SCN9A: variants seen among roughly 807,000 people sequenced by gnomAD.
SCN9A encodes sodium channel protein type 9 subunit alpha.
Under a neutral mutation model 187.0 loss-of-function variants are expected in SCN9A, and 131 were observed. The ratio of observed to expected loss-of-function variants is 0.70; its 90% CI spans 0.61 to 0.81. The LOEUF (loss-of-function observed/expected upper bound fraction) is 0.81, where lower values mean the gene tolerates loss of function less well. Ranked by LOEUF, SCN9A falls within the 30% of genes least tolerant of loss-of-function variation. The pLI, the probability that SCN9A is intolerant of heterozygous loss-of-function variation, is 0.00. For synonymous variants in SCN9A, 809 were observed against 808.6 expected, an observed-to-expected ratio of 1.00 and a Z score of -0.01; for missense variants, 2,252 against 2,396.6, an observed-to-expected ratio of 0.94 and a Z score of 1.26.
chr2:166,298,001 C>T (rs1380284424), intron 7 of SCN9A, among the ~76,000 whole-genome samples: 1 of 152,072 alleles, frequency 6.6e-6, no homozygotes, highest in African/African-American at 2.4e-5. Context: ...TCTGCCCTTG[C>T]TCAGAAAGAC....
chr2:166,341,601 A>C (rs1245505850), intron 1 of SCN9A, among the ~76,000 whole-genome samples: 1 of 152,240 alleles, frequency 6.6e-6, no homozygotes, highest in Non-Finnish European at 1.5e-5. Flanking sequence ...AGACACTGCT[A>C]AGAGTTACTG....
chr2:166,201,429 T>C (rs1239730623), intron 26 of SCN9A, among the ~76,000 whole-genome samples: 1 of 126,350 alleles, frequency 7.9e-6, no homozygotes, highest in African/African-American at 2.7e-5. Flanking sequence ...ATGCATATAC[T>C]ATATATAGTA....
In SCN9A at chr2:166,281,732, T is replaced by C. The variant is rs1697498086; in HGVS notation, c.2051A>G (p.Asn684Ser). 1.9e-6 allele frequency: 3 copies of C among 1,613,426 alleles called. No homozygotes were observed. The highest frequency in any genetic ancestry group is 1.1e-5 in the South Asian group (1 of 91,068). Reference protein sequence around the residue: ...LLSEDMLNDPNLRQRAMSRAS... With the variant: ...LLSEDMLNDPSLRQRAMSRAS... ...TCTACTCATTGCTCTCTGTCTGAGG[T>C]TGGGATCATTCAGCATATCCTCTGA... The change falls in exon 13 of 27, where the codon AAC (asparagine) becomes AGC (serine). Residue 684 changes from asparagine (N) to serine (S), a missense_variant. Coordinates refer to ENST00000642356, the MANE Select transcript of SCN9A (RefSeq NM_001365536.1).
intron 21 of SCN9A, among the ~76,000 whole-genome samples, chr2:166,230,106 C>G (rs879819558): frequency 1.1e-4 from 17 of 152,090 alleles, no homozygotes; most frequent in Non-Finnish European, 2.4e-4. Flanking sequence ...TGGGTTATAT[C>G]TCCGTTGCAA....
rs202173085 is a variant in SCN9A at position 166,256,037 on chromosome 2, CAT to C, written c.3352-4154_3352-4153del. 7.3e-3 allele frequency among the ~76,000 whole-genome samples: 1,108 copies of C among 151,496 alleles called. 12 individuals are homozygous for C. The highest frequency in any genetic ancestry group is 0.052 in the South Asian group (251 of 4,806). ...AGGATCCTTTGAGAAGAAATCCACACATAGTTACTATGTGGCATAAGAGTCCA... is the reference window on the plus strand; with the variant it reads ...AGGATCCTTTGAGAAGAAATCCACACAGTTACTATGTGGCATAAGAGTCCA... On this transcript the variant is annotated intron_variant, in intron 17 of 26. Transcript: ENST00000642356.
chr2:166,274,360 G>C (rs895103658), intron 16 of SCN9A, among the ~76,000 whole-genome samples: 3 of 152,042 alleles, frequency 2.0e-5, no homozygotes, highest in African/African-American at 7.2e-5. Flanking sequence ...TTGATTCAAA[G>C]TCTCATTTTG....
At chr2:166,360,751 A>G (rs1439253589) in intron 1 of SCN9A, among the ~76,000 whole-genome samples, 2 of 152,214 alleles carry the variant, frequency 1.3e-5, no homozygotes, top group East Asian at 1.9e-4. Context: ...TAAAGTGCCT[A>G]CCACAGTGCC....
At chr2:166,359,934 A>G (rs1434964974) in intron 1 of SCN9A, among the ~76,000 whole-genome samples, 3 of 151,710 alleles carry the variant, frequency 2.0e-5, no homozygotes, top group Non-Finnish European at 4.4e-5. Flanking sequence ...ATAAGAAATG[A>G]AAGTTTGCCG....
At chr2:166,235,904 T>A (rs1468940205) in intron 20 of SCN9A, among the ~76,000 whole-genome samples, 2 of 152,140 alleles carry the variant, frequency 1.3e-5, no homozygotes, top group Non-Finnish European at 2.9e-5. Context: ...CTTTAAATTT[T>A]CAAATAAAAC....
intron 14 of SCN9A, among the ~76,000 whole-genome samples, chr2:166,279,413 G>C (rs1170208680): frequency 6.6e-6 from 1 of 152,146 alleles, no homozygotes; most frequent in Admixed American, 6.6e-5. Context: ...CATAAGCTGA[G>C]ATTCTCTGGC....
intron 22 of SCN9A, among the ~76,000 whole-genome samples, chr2:166,228,247 C>CTTTTTTTTTTTT (rs33924683): frequency 2.3e-5 from 2 of 85,972 alleles, no homozygotes; most frequent in African/African-American, 9.2e-5. Context: ...AAGACCAACA[C>CTTTTTTTTTTTT]TTTTTTTTTT....
chr2:166,251,214 G>A (rs976392710), intron 18 of SCN9A, among the ~76,000 whole-genome samples: 1 of 151,978 alleles, frequency 6.6e-6, no homozygotes, highest in Non-Finnish European at 1.5e-5. Context: ...GATAACTGAA[G>A]ATTGAACATG....
At chr2:166,203,759 C>T (rs547640882) in intron 26 of SCN9A, among the ~76,000 whole-genome samples, 196 bp downstream of exon 26, 1 of 151,790 alleles carries the variant, frequency 6.6e-6, no homozygotes, top group South Asian at 2.1e-4. Flanking sequence ...GGCTTTGGGG[C>T]CTGTAGTGTA....
rs546798028 is a variant in SCN9A, at chr2:166,222,868, T to G, written c.4398+3699A>C. Among the ~76,000 whole-genome samples the G allele has an allele frequency of 6.1e-5, 8 of 130,238 alleles. No homozygotes were observed. In the East Asian group the frequency reaches 6.4e-4, roughly 10 times the overall value. 85.4% of individuals were successfully genotyped at this position (130,238 alleles called of 152,430 possible). The stretch of plus-strand genomic sequence containing the variant: ...ATGGCGTGAACCCGGGAGGCGGAGC[T>G]TGCAGTGAGTCGAGATCGCGCCACT... On this transcript the variant is annotated intron_variant, in intron 24 of 26. Transcript: ENST00000642356.
In SCN9A at chr2:166,242,483, T is replaced by G; in HGVS notation, c.3627+19A>C. Reference sequence around the variant, plus strand: ...TATTGACTTAATCAATATATTGACTTAGGTGTCAGATCATTTACCAGGGCA... The same window carrying G: ...TATTGACTTAATCAATATATTGACTGAGGTGTCAGATCATTTACCAGGGCA... On this transcript the variant is annotated intron_variant, in intron 19 of 26. Coordinates refer to ENST00000642356, the MANE Select transcript of SCN9A (RefSeq NM_001365536.1). 6.5e-7 allele frequency: 1 copy of G among 1,547,706 alleles called. No individual in the cohort carries two copies. Among genetic ancestry groups the G allele is most frequent in the Non-Finnish European group, 8.8e-7 (1 of 1,142,242 alleles).
intron 10 of SCN9A, among the ~76,000 whole-genome samples, chr2:166,287,751 C>T (rs1480588699): frequency 2.0e-5 from 3 of 151,890 alleles, no homozygotes; most frequent in African/African-American, 7.3e-5. Context: ...CTATGACAAC[C>T]TAAATTAGCC....
intron 12 of SCN9A, among the ~76,000 whole-genome samples, chr2:166,282,954 G>A (rs905319580): frequency 6.6e-6 from 1 of 152,078 alleles, no homozygotes; most frequent in East Asian, 1.9e-4. Flanking sequence ...GACGTTATTA[G>A]TTATGCAGTG....
chr2:166,209,627 C>T (rs199654381), intron 24 of SCN9A, among the ~76,000 whole-genome samples: 3 of 115,418 alleles, frequency 2.6e-5, no homozygotes, highest in South Asian at 2.7e-4. Context: ...AAAAACAACC[C>T]CATCAAAAAC....
At position 166,273,851 on chromosome 2, in the gene SCN9A, C is replaced by G. The variant is rs573941278; in HGVS notation, c.2875-976G>C. On this transcript the variant is annotated intron_variant, in intron 16 of 26. Coordinates refer to ENST00000642356, the MANE Select transcript of SCN9A (RefSeq NM_001365536.1). The stretch of plus-strand genomic sequence containing the variant: ...CTAACTGAAGAGAAGGTACTCATCC[C>G]TCATTTTGGTCATACCTAAAACAAT... Among the ~76,000 whole-genome samples the G allele has an allele frequency of 2.0e-4, 31 of 152,218 alleles. 1 individual carries two copies. The Middle Eastern group carries it at 0.01, about 50-fold the overall frequency.
Sources: gnomAD v4.1 joint callset for allele counts (sites outside exome capture counted in the v4.1 genomes callset) on GRCh38, gnomAD v4.1.1 for gene constraint, MANE v1.5 for transcripts, NCBI Gene and HGNC (gene_info 2026-07-23, HGNC 2026-07-21) for gene names.